The following BCOR variants were observed in gnomAD, a reference collection of about 807,000 sequenced individuals.
BCOR encodes BCL6 corepressor, also known as BCL-6 corepressor.
Under a neutral mutation model 86.7 loss-of-function variants are expected in BCOR, and 10 were observed. The ratio of observed to expected loss-of-function variants is 0.12; its 90% CI spans 0.07 to 0.20. The LOEUF is 0.20. Ranked by LOEUF, BCOR falls within the 10% of genes least tolerant of loss-of-function variation. The pLI is 1.00. For synonymous variants in BCOR, 611 were observed against 609.0 expected, an observed-to-expected ratio of 1.00 and a Z score of -0.05; for missense variants, 1,259 against 1,452.1, an observed-to-expected ratio of 0.87 and a Z score of 2.16.
At chrX:40,114,849 CTTTTTTT>C (rs763376608) in intron 1 of BCOR, among the ~76,000 whole-genome samples, 4 of 85,110 alleles carry the variant, frequency 4.7e-5, no homozygotes, top group Non-Finnish European at 6.7e-5. Flanking sequence ...TTACCATTCA[CTTTTTTT>C]TTTTTTTTTT....
intron 1 of BCOR, among the ~76,000 whole-genome samples, chrX:40,160,830 ATT>A (rs776054747): frequency 9.7e-5 from 9 of 92,325 alleles, no homozygotes; most frequent in Admixed American, 1.2e-4. Flanking sequence ...CGCCCGGCTA[ATT>A]TTTTTTTTTT....
In BCOR at chrX:40,097,614, CTG is replaced by C. The variant is rs1936956487; in HGVS notation, c.-442_-441del. On this transcript the variant is annotated 5_prime_UTR_variant, in exon 1 of 15. Transcript: ENST00000378444. ...GATCCTCCGGGCTCCCGCAGCTGGA[CTG>C]GGCTTGGCCGAGCTCAGCAGCTCCC... Among the ~76,000 whole-genome samples the C allele has an allele frequency of 8.9e-6, 1 of 111,798 alleles. No individual in the cohort carries two copies. Among genetic ancestry groups the C allele is most frequent in the Non-Finnish European group, 1.9e-5 (1 of 52,734 alleles).
At chrX:40,174,898 G>T (rs1330959452) in intron 1 of BCOR, among the ~76,000 whole-genome samples, 3 of 113,198 alleles carry the variant, frequency 2.7e-5, no homozygotes, top group Non-Finnish European at 5.6e-5. Context: ...AAATGATCTT[G>T]GTTGGAATAT....
chrX:40,120,282 T>C (rs1220830903), intron 1 of BCOR, among the ~76,000 whole-genome samples: 1 of 111,063 alleles, frequency 9.0e-6, no homozygotes, highest in Non-Finnish European at 1.9e-5. Context: ...GACACAGCCT[T>C]TCCCCATTGT....
intron 1 of BCOR, among the ~76,000 whole-genome samples, chrX:40,109,787 G>C (rs966512284): frequency 4.4e-5 from 5 of 113,063 alleles, no homozygotes; most frequent in Non-Finnish European, 9.4e-5. Flanking sequence ...GGGAGCCCGG[G>C]AGGGCTGCGA....
rs535330739 is a variant in BCOR at position 40,117,001 on chromosome X, A to T, written c.-40-39032T>A. On this transcript the variant is annotated intron_variant, in intron 1 of 14. Transcript: ENST00000342274. ...GTTCCATGCCAGTGGCTGCACCGGG[A>T]CCCCTGCTTGCAGGCACAGGGAACC... 2.0e-4 allele frequency among the ~76,000 whole-genome samples: 22 copies of T among 112,026 alleles called. No individual in the cohort carries two copies. In the South Asian group the frequency reaches 8.1e-3, roughly 41 times the overall value.
At chrX:40,134,403 G>A (rs1304116508) in intron 1 of BCOR, among the ~76,000 whole-genome samples, 3 of 111,409 alleles carry the variant, frequency 2.7e-5, no homozygotes, top group African/African-American at 9.8e-5. Flanking sequence ...GCGGGAGGAT[G>A]GCTTGAGCCC....
At chrX:40,100,150 TTG>T (rs1476254714), upstream of BCOR, among the ~76,000 whole-genome samples, 1 of 112,899 alleles carries the variant, frequency 8.9e-6, no homozygotes, top group Admixed American at 9.3e-5. Context: ...AGGCCTCTGG[TTG>T]TGTGTTGTGG....
intron 1 of BCOR, among the ~76,000 whole-genome samples, chrX:40,132,515 T>C (rs908344745): frequency 4.5e-5 from 5 of 111,329 alleles, no homozygotes; most frequent in African/African-American, 6.6e-5. Flanking sequence ...CTAGGCTCAA[T>C]TGACCTACCC....
chrX:40,169,879 C>G (rs1192060229), intron 1 of BCOR, among the ~76,000 whole-genome samples: 1 of 111,458 alleles, frequency 9.0e-6, no homozygotes, highest in Non-Finnish European at 1.9e-5. Flanking sequence ...AGGGTTAACC[C>G]TGGTCCAAGG....
At chrX:40,171,111 A>G (rs2148030536) in intron 1 of BCOR, among the ~76,000 whole-genome samples, 1 of 112,178 alleles carries the variant, frequency 8.9e-6, no homozygotes, top group South Asian at 3.7e-4. Flanking sequence ...AGCCATGTGA[A>G]GCCAGCCTGC....
chrX:40,088,020 G>T (rs1027789886), intron 1 of BCOR, among the ~76,000 whole-genome samples: 2 of 112,420 alleles, frequency 1.8e-5, no homozygotes, highest in Admixed American at 1.9e-4. Context: ...GTACAGAACT[G>T]TTAAATGCCT....
intron 1 of BCOR, among the ~76,000 whole-genome samples, chrX:40,158,456 C>A (rs1240874344): frequency 8.9e-6 from 1 of 112,547 alleles, no homozygotes; most frequent in African/African-American, 3.2e-5. Context: ...CGAGGCCCCC[C>A]TCCCCGCTGC....
rs1240623867 is a variant in BCOR, at chrX:40,072,841, A to G, written c.2505T>C (p.Ala835=). Residue 835 remains alanine (A), a synonymous_variant, in exon 4 of 15, where the codon GCT becomes GCC. Transcript: ENST00000378444. ...SFAAESVGQS[A]EPPKPSVEPA... ...GCTCAACTGAGGGCTTGGGGGGCTCAGCGCTCTGGCCAACACTCTCTGCTG... is the reference window on the plus strand; with the variant it reads ...GCTCAACTGAGGGCTTGGGGGGCTCGGCGCTCTGGCCAACACTCTCTGCTG... The G allele has an allele frequency of 5.0e-6, 6 of 1,209,836 alleles. No homozygotes were observed. The highest frequency in any genetic ancestry group is 1.8e-5 in the South Asian group (1 of 56,729).
chrX:40,083,926 A>G (rs920154938), intron 1 of BCOR, among the ~76,000 whole-genome samples: 1 of 111,419 alleles, frequency 9.0e-6, no homozygotes, highest in East Asian at 2.9e-4. Flanking sequence ...TTCTCTCCCC[A>G]TCAACGAATC....
At chrX:40,117,549 TATA>T (rs10603139) in intron 1 of BCOR, among the ~76,000 whole-genome samples, 17,293 of 111,163 alleles carry the variant, frequency 0.16, 2,577 homozygotes, top group African/African-American at 0.47. Context: ...GAATATGAAT[TATA>T]ATGTCATGCC....
At chrX:40,062,638 T>A in intron 9 of BCOR, 108 bp downstream of exon 9, 1 of 827,345 alleles carries the variant, frequency 1.2e-6, no homozygotes, top group Non-Finnish European at 1.8e-6. Flanking sequence ...ACGTGTGGTG[T>A]GGGGGAGGAG....
chrX:40,176,713 G>A (rs2148046124), intron 1 of BCOR, among the ~76,000 whole-genome samples: 1 of 110,930 alleles, frequency 9.0e-6, no homozygotes, highest in African/African-American at 3.3e-5. Context: ...GGAGCCGCTC[G>A]CTCCCAGCGC....
rs1935080744 is a variant in BCOR, at chrX:40,064,348, G to C, written c.3490C>G (p.Arg1164Gly). ...AGACAGGGCTCACCTTTAGAGACTC[G>C]TCGGCGTTTGGCTTTCAGCAGAGGG... ...EDPLLKAKRRRVSKDDWPERE... is the reference protein window; with the variant it reads ...EDPLLKAKRRGVSKDDWPERE... Residue 1164 changes from arginine to glycine, a missense_variant, in exon 7 of 15, where the codon CGA (arginine) becomes GGA (glycine). Around this residue, in one of 7 missense-constraint regions of BCOR, gnomAD observed 305 missense variants for 286.1 expected, o/e 1.07. Coordinates refer to ENST00000378444, the MANE Select transcript of BCOR (RefSeq NM_001123385.2). 8.2e-7 allele frequency: 1 copy of C among 1,212,152 alleles called. No homozygotes were observed. The highest frequency in any genetic ancestry group is 1.1e-6 in the Non-Finnish European group (1 of 895,593).
Sources: gnomAD v4.1 joint callset for allele counts (sites outside exome capture counted in the v4.1 genomes callset) on GRCh38, gnomAD v4.1.1 for gene constraint, gnomAD v4.1.1 regional missense constraint, MANE v1.5 for transcripts, NCBI Gene and HGNC (gene_info 2026-07-23, HGNC 2026-07-21) for gene names.